Variants in CIMIP2A observed in about 807,000 individuals in gnomAD.
CIMIP2A encodes the protein ciliary microtubule inner protein 2A.
chr9:137,254,560 G>A, the CIMIP2A span, among the ~76,000 whole-genome samples: 1 of 152,260 alleles, frequency 6.6e-6, no homozygotes, highest in Non-Finnish European at 1.5e-5. Flanking sequence ...GGAAGAGCAA[G>A]AGTTTGCTGG....
chr9:137,244,810 A>G, the CIMIP2A span: 3 of 1,582,194 alleles, frequency 1.9e-6, no homozygotes, highest in Middle Eastern at 1.7e-4. Context: ...CTGCCCTCAG[A>G]CGTGTCAGGG....
the CIMIP2A span, among the ~76,000 whole-genome samples, chr9:137,253,958 G>A: frequency 6.6e-6 from 1 of 152,152 alleles, no homozygotes; most frequent in Non-Finnish European, 1.5e-5. Flanking sequence ...CTCCACTCCC[G>A]GGGCCTTCAC....
At chr9:137,245,124 T>C in the CIMIP2A span, 2 of 1,600,488 alleles carry the variant, frequency 1.2e-6, no homozygotes, top group South Asian at 2.2e-5. Flanking sequence ...GTTAGGGTGG[T>C]CCAGCTGCGG....
chr9:137,244,207 G>A, the CIMIP2A span: 3 of 1,613,800 alleles, frequency 1.9e-6, no homozygotes, highest in Non-Finnish European at 1.7e-6. Flanking sequence ...ATCAGGCCTT[G>A]GCTGCTGTAG....
At chr9:137,251,926 A>G in the CIMIP2A span, 2 of 1,599,724 alleles carry the variant, frequency 1.3e-6, no homozygotes, top group East Asian at 4.5e-5. Flanking sequence ...CCCCACCCCC[A>G]AGCTGGTCTT....
At chr9:137,244,331 GC>G in the CIMIP2A span, 2 of 1,611,464 alleles carry the variant, frequency 1.2e-6, no homozygotes, top group African/African-American at 2.7e-5. Flanking sequence ...TCCCCGGCAG[GC>G]AAACAGATAG....
At chr9:137,252,651 C>T in the CIMIP2A span, 4 of 1,536,448 alleles carry the variant, frequency 2.6e-6, no homozygotes, top group Admixed American at 2.0e-5. Context: ...CCGTCTCCTA[C>T]CCCCTCGCAG....
chr9:137,251,018 A>T, the CIMIP2A span: 1 of 459,482 alleles, frequency 2.2e-6, no homozygotes. Flanking sequence ...AGGAGACCCC[A>T]GGGTGCAGGA....
chr9:137,244,435 CTCCAAAACTTGAGTGCAGGGA>C, the CIMIP2A span: 1 of 1,520,526 alleles, frequency 6.6e-7, no homozygotes, highest in Admixed American at 2.1e-5. Flanking sequence ...CTACCCCCGA[CTCCAAAACTTGAGTGCAGGGA>C]TCCAAGCAAG....
the CIMIP2A span, chr9:137,251,534 G>A: frequency 2.1e-6 from 2 of 960,018 alleles, no homozygotes; most frequent in Non-Finnish European, 3.1e-6. Flanking sequence ...GGGGCAGGCG[G>A]CTGGGAGCGG....
At chr9:137,252,375 G>C in the CIMIP2A span, 30 of 1,524,900 alleles carry the variant, frequency 2.0e-5, no homozygotes, top group African/African-American at 2.9e-4. Flanking sequence ...AGACAGGTTC[G>C]AGTGGGGACT....
the CIMIP2A span, chr9:137,252,081 C>T: frequency 1.4e-5 from 22 of 1,612,600 alleles, no homozygotes; most frequent in Admixed American, 5.0e-5. Context: ...CCCGTCCGTA[C>T]GAGAGTCCTC....
the CIMIP2A span, among the ~76,000 whole-genome samples, chr9:137,251,563 T>C: frequency 5.5e-4 from 52 of 94,514 alleles, no homozygotes; most frequent in Admixed American, 4.7e-3. Flanking sequence ...TGAGGGACAG[T>C]AGAGGGGACA....
chr9:137,244,812 G>A, the CIMIP2A span: 275 of 1,581,278 alleles, frequency 1.7e-4, 2 homozygotes, highest in African/African-American at 3.0e-3. Context: ...GCCCTCAGAC[G>A]TGTCAGGGAA....
chr9:137,255,067 C>T, the CIMIP2A span: 1 of 156,410 alleles, frequency 6.4e-6, no homozygotes, highest in Admixed American at 6.5e-5. Context: ...CTTATGTACA[C>T]GAAATTCACT....
At chr9:137,244,144 C>T in the CIMIP2A span, 3 of 1,608,820 alleles carry the variant, frequency 1.9e-6, no homozygotes, top group African/African-American at 2.7e-5. Context: ...CGGGGTGTGT[C>T]CATGTGACCC....
the CIMIP2A span, chr9:137,245,289 G>C: frequency 6.3e-7 from 1 of 1,580,862 alleles, no homozygotes; most frequent in African/African-American, 1.3e-5. Flanking sequence ...GCTTGGCACT[G>C]GTGCATCCCC....
chr9:137,245,655 G>A, the CIMIP2A span: 5 of 1,607,218 alleles, frequency 3.1e-6, no homozygotes, highest in East Asian at 2.2e-5. Flanking sequence ...AGTGGGGGAT[G>A]TAGGGCTCCG....
At chr9:137,245,598 G>A in the CIMIP2A span, 127 of 1,613,428 alleles carry the variant, frequency 7.9e-5, no homozygotes, top group Non-Finnish European at 9.7e-5. Context: ...GGACAGGCAG[G>A]CGGGCACAGG....
Sources: gnomAD v4.1 joint callset for allele counts (sites outside exome capture counted in the v4.1 genomes callset) on GRCh38, gnomAD v4.1.1 for gene constraint, MANE v1.5 for transcripts, NCBI Gene and HGNC (gene_info 2026-07-23, HGNC 2026-07-21) for gene names.